Variants in SLC49A3 observed in about 807,000 individuals in gnomAD.
SLC49A3 encodes the protein solute carrier family 49 member 3, also known as solute carrier family 49 member A3.
A neutral mutation model predicts 43.8 loss-of-function variants in SLC49A3; 50 were observed. The ratio of observed to expected loss-of-function variants is 1.14; its 90% confidence interval spans 0.91 to 1.45. The LOEUF is 1.45. Among genes scored for constraint, SLC49A3 ranks in the 40% most tolerant of loss-of-function variants. The probability of loss-of-function intolerance (pLI) is 0.00; values close to 1 mark genes in which losing one functional copy is unlikely to be tolerated. For synonymous variants in SLC49A3, 413 were observed against 352.0 expected (o/e 1.17, Z -1.94); for missense variants, 906 against 774.1 (o/e 1.17, Z -2.02).
downstream of SLC49A3, chr4:676,936 C>T: frequency 2.0e-6 from 2 of 985,404 alleles, no homozygotes. Flanking sequence ...CAGGCAGCAT[C>T]TCAGGGGACG....
rs1739903707 is a variant in SLC49A3, at chr4:682,314, G to T, written c.1324C>A (p.His442Asn). ...FFSCILAVFF[H>N]TPYRRLQAES... Reference sequence around the variant, plus strand: ...GCCTGCAGGCGCCGGTATGGGGTGTGGAAGAAGACCGCCAGGATGCAGCTG... The same window carrying T: ...GCCTGCAGGCGCCGGTATGGGGTGTTGAAGAAGACCGCCAGGATGCAGCTG... The change falls in exon 10 of 10, where the codon CAC becomes AAC. Residue 442 changes from histidine (H) to asparagine (N), a missense_variant. Coordinates refer to ENST00000322224, the MANE Select transcript of SLC49A3 (RefSeq NM_032219.4). 3 of 1,349,170 alleles carry T rather than the reference G, an allele frequency of 2.2e-6. No individual in the cohort carries two copies. The highest frequency in any genetic ancestry group is 2.9e-6 in the Non-Finnish European group (3 of 1,040,730). The allele number at this position is 1,349,170 out of a possible 1,614,324, so 83.6% of individuals were successfully genotyped here.
chr4:684,739 A>G lies in SLC49A3; in HGVS notation c.703T>C (p.Phe235Leu), dbSNP rs1414803520. ...CTGACCAGCTTGAGCCCATCCAGGA[A>G]CTTCTCTGAGGTGGAGCTGGCAGCC... The part of the protein sequence containing the change: ...AGAASSTSEK[F>L]LDGLKLLMWN... Residue 235 changes from phenylalanine to leucine, a missense_variant, in exon 5 of 10, where the codon TTC (phenylalanine) becomes CTC (leucine). Coordinates refer to ENST00000322224, the MANE Select transcript of SLC49A3 (RefSeq NM_032219.4). 1 of 1,611,256 alleles carries G rather than the reference A, an allele frequency of 6.2e-7. No individual in the cohort carries two copies. The highest frequency in any genetic ancestry group is 1.3e-5 in the African/African-American group (1 of 74,796).
chr4:677,830 G>A, downstream of SLC49A3: 1 of 838,472 alleles, frequency 1.2e-6, no homozygotes, highest in East Asian at 2.6e-5. Context: ...TGCGGGGTGA[G>A]GCAGGGCAAG....
intron 6 of SLC49A3, among the ~76,000 whole-genome samples, chr4:684,080 G>A (rs1026031846): frequency 3.9e-5 from 6 of 152,240 alleles, no homozygotes; most frequent in African/African-American, 1.4e-4. Flanking sequence ...CCAGAAGGCA[G>A]AGGGCAGAGG....
At chr4:678,959 C>A (rs1322062890), downstream of SLC49A3, 3 of 1,613,656 alleles carry the variant, frequency 1.9e-6, no homozygotes, top group Admixed American at 3.3e-5. Flanking sequence ...GGTCCCCAGG[C>A]ATTCACACTC....
chr4:683,830 A>T, intron 6 of SLC49A3, 69 bp from the exon 7 acceptor site: 1 of 1,506,044 alleles, frequency 6.6e-7, no homozygotes, highest in Non-Finnish European at 8.9e-7. Flanking sequence ...CCGTCAGGGC[A>T]GGGGGCTCAG....
chr4:682,695 G>T, intron 9 of SLC49A3, 86 bp downstream of exon 9: 2 of 1,132,412 alleles, frequency 1.8e-6, no homozygotes, highest in Non-Finnish European at 1.2e-6. Flanking sequence ...GGCTCCCCAC[G>T]TAGGGTTCAC....
At position 684,603 on chromosome 4, in the gene SLC49A3, CT is replaced by C; in HGVS notation, c.724-5del. ...CATAGGCCTTGTTCCACATGAGCTG[CT>C]GGGAAAGAGCGTCTCAGCCCCGGAG... is the stretch of plus-strand genomic sequence containing the variant. On this transcript the variant is annotated splice_region_variant and splice_polypyrimidine_tract_variant and intron_variant, in intron 5 of 9. Transcript: ENST00000322224. 6.2e-7 allele frequency: 1 copy of C among 1,612,774 alleles called. No individual in the cohort carries two copies. The highest frequency in any genetic ancestry group is 8.5e-7 in the Non-Finnish European group (1 of 1,179,850).
chr4:684,949 C>T, intron 4 of SLC49A3, 93 bp from the exon 5 acceptor site: 5 of 1,480,238 alleles, frequency 3.4e-6, no homozygotes, highest in Non-Finnish European at 4.5e-6. Context: ...CTCCCAGCTC[C>T]TCCTGCCCCA....
upstream of SLC49A3, chr4:689,242 A>G (rs1191843983): frequency 3.1e-6 from 2 of 637,972 alleles, no homozygotes; most frequent in Non-Finnish European, 4.4e-6. Context: ...GGGCCGGGCC[A>G]CGGGGGGCCA....
At chr4:688,154 T>A (rs1449446268) in intron 1 of SLC49A3, 1 of 152,356 alleles carries the variant, frequency 6.6e-6, no homozygotes, top group African/African-American at 2.4e-5. Flanking sequence ...CTGGACATGG[T>A]GGGCCAGGAC....
At position 684,699 on chromosome 4, in the gene SLC49A3, G is replaced by C; in HGVS notation, c.723+20C>G. ...CCCACCCCCAAATCCACCCTACCCC[G>C]GGGATCCCACGGCACTGACCAGCTT... On this transcript the variant is annotated intron_variant, in intron 5 of 9. Coordinates refer to ENST00000322224, the MANE Select transcript of SLC49A3 (RefSeq NM_032219.4). 6.2e-7 allele frequency: 1 copy of C among 1,606,724 alleles called. No homozygotes were observed. Among genetic ancestry groups the C allele is most frequent in the Non-Finnish European group, 8.5e-7 (1 of 1,176,928 alleles).
downstream of SLC49A3, among the ~76,000 whole-genome samples, chr4:677,755 G>C (rs768632000): frequency 6.6e-6 from 1 of 152,152 alleles, no homozygotes. Flanking sequence ...AAGCCTCCCC[G>C]GGGTTCGGGG....
At position 681,863 on chromosome 4, in the gene SLC49A3, C is replaced by G. The variant is rs773154641; in HGVS notation, c.*95G>C. 40 of 1,307,956 alleles carry G rather than the reference C, an allele frequency of 3.1e-5. No individual in the cohort carries two copies. In the African/African-American group the frequency reaches 3.6e-4, roughly 12 times the overall value. The allele number at this position is 1,307,956 out of a possible 1,614,324, so 81.0% of individuals were successfully genotyped here. A position where few individuals can be genotyped will look rare whatever the true frequency, so the allele number is the denominator to read the frequency against. On this transcript the variant is annotated 3_prime_UTR_variant, in exon 10 of 10. Transcript: ENST00000322224. ...GCGCTTGTAATTCGCTCCCGGAGCC[C>G]GCAAGGAGCCCTTTCGCCCCCGCCC...
chr4:683,479 C>T, intron 7 of SLC49A3, 112 bp from the exon 8 acceptor site: 1 of 1,500,926 alleles, frequency 6.7e-7, no homozygotes, highest in Non-Finnish European at 8.9e-7. Context: ...ACCCCGGGGC[C>T]ACCCTGGCTG....
At chr4:681,574 C>G (rs1002087375), downstream of SLC49A3, among the ~76,000 whole-genome samples, 3 of 147,368 alleles carry the variant, frequency 2.0e-5, no homozygotes, top group African/African-American at 7.5e-5. Flanking sequence ...GACACGTGCG[C>G]CCAGACTGTG....
chr4:679,964 T>C, downstream of SLC49A3: 1 of 1,613,572 alleles, frequency 6.2e-7, no homozygotes, highest in South Asian at 1.1e-5. Context: ...CAAAGAGGCC[T>C]CGGGGCCCAT....
Position 683,625 on chromosome 4 carries a change from C to T in SLC49A3, c.977G>A (p.Cys326Tyr). ...GACCCTCACCAGGGCAAAGGGCACG[C>T]AGGCCAGAGAGAACAGGCACAGGCC... Reference protein sequence around the residue: ...KIGLCLFSLACVPFALVSQLQ... With the variant: ...KIGLCLFSLAYVPFALVSQLQ... The change falls in exon 7 of 10, where the codon TGC (cysteine) becomes TAC (tyrosine). Residue 326 changes from cysteine (C) to tyrosine (Y), a missense_variant. Coordinates refer to ENST00000322224, the MANE Select transcript of SLC49A3 (RefSeq NM_032219.4). 1.9e-6 allele frequency: 3 copies of T among 1,611,822 alleles called. No individual in the cohort carries two copies. Among genetic ancestry groups the T allele is most frequent in the South Asian group, 1.1e-5 (1 of 90,886 alleles).
upstream of SLC49A3, among the ~76,000 whole-genome samples, chr4:690,676 GTC>G (rs1421027852): frequency 1.3e-5 from 2 of 152,214 alleles, no homozygotes; most frequent in Non-Finnish European, 2.9e-5. Context: ...CCATCGTTCA[GTC>G]TCTGTTGAGC....
Sources: allele counts gnomAD v4.1 joint callset (sites outside exome capture counted in the v4.1 genomes callset), GRCh38; gene constraint gnomAD v4.1.1; transcripts MANE v1.5; gene names NCBI Gene and HGNC (gene_info 2026-07-23, HGNC 2026-07-21).